FGD4: variants seen among roughly 807,000 people sequenced by gnomAD.
The protein encoded by FGD4 is FYVE, RhoGEF and PH domain-containing protein 4.
Under a neutral mutation model 102.0 loss-of-function variants are expected in FGD4, and 42 were observed. The observed-to-expected ratio is 0.41, with a 90% CI of 0.32 to 0.53. FGD4 has a LOEUF of 0.53. FGD4 is among the 20% of genes least tolerant of loss of function. The pLI, the probability that FGD4 is intolerant of heterozygous loss-of-function variation, is 0.21. For synonymous variants in FGD4, 380 were observed against 375.7 expected (o/e 1.01, Z -0.13); for missense variants, 902 against 1,078.2 (o/e 0.84, Z 2.29).
At position 32,439,361 on chromosome 12, in the gene FGD4, G is replaced by A. The variant is rs113614938; in HGVS notation, c.166+39402G>A. The stretch of plus-strand genomic sequence containing the variant: ...ATGCCACATTTTCTATTCAGCTGTT[G>A]CTGAACACTTAGGTTGATTCCATAT... On this transcript the variant is annotated intron_variant, in intron 1 of 16. Transcript: ENST00000534526. Among the ~76,000 whole-genome samples the A allele has an allele frequency of 6.6e-5, 10 of 152,244 alleles. 1 individual carries two copies. The highest frequency in any genetic ancestry group is 2.4e-4 in the African/African-American group (10 of 41,554).
intron 2 of FGD4, among the ~76,000 whole-genome samples, chr12:32,573,317 G>A (rs900315848): frequency 6.6e-6 from 1 of 152,010 alleles, no homozygotes; most frequent in Admixed American, 6.6e-5. Flanking sequence ...GGTTGGTCTC[G>A]ATCTCCTGAC....
intron 1 of FGD4, among the ~76,000 whole-genome samples, chr12:32,431,334 A>T (rs1228915794): frequency 6.6e-6 from 1 of 152,138 alleles, no homozygotes; most frequent in Non-Finnish European, 1.5e-5. Flanking sequence ...TTATTTCAGG[A>T]TATCCACTTT....
chr12:32,515,053 T>G (rs1179619219), intron 1 of FGD4, among the ~76,000 whole-genome samples: 1 of 152,166 alleles, frequency 6.6e-6, no homozygotes, highest in African/African-American at 2.4e-5. Flanking sequence ...TCCCCAGCTT[T>G]TGGCTCAGCA....
intron 7 of FGD4, among the ~76,000 whole-genome samples, chr12:32,604,259 A>C (rs889157884): frequency 6.6e-6 from 1 of 151,938 alleles, no homozygotes; most frequent in African/African-American, 2.4e-5. Context: ...AATCATTTTC[A>C]GAAGTTTTCA....
In FGD4 at chr12:32,596,977, A is replaced by G. The variant is rs567378085; in HGVS notation, c.1012-1520A>G. Among the ~76,000 whole-genome samples, 4 of 152,246 alleles carry G rather than the reference A, an allele frequency of 2.6e-5. No individual in the cohort carries two copies. The South Asian group carries it at 8.3e-4, about 32-fold the overall frequency. On this transcript the variant is annotated intron_variant, in intron 4 of 16. Transcript: ENST00000534526. Reference sequence around the variant, plus strand: ...AAAAGAGAAGTACATGGAAGGATATAACTTTGTTATATATTTTTCTCAGAG... The same window carrying G: ...AAAAGAGAAGTACATGGAAGGATATGACTTTGTTATATATTTTTCTCAGAG...
intron 1 of FGD4, among the ~76,000 whole-genome samples, chr12:32,519,010 G>A (rs1437590837): frequency 6.6e-6 from 1 of 151,098 alleles, no homozygotes; most frequent in African/African-American, 2.4e-5. Flanking sequence ...AGCTACTCGG[G>A]AGGCTGAGGC....
At chr12:32,529,587 G>A (rs551039516) in intron 1 of FGD4, among the ~76,000 whole-genome samples, 1 of 151,550 alleles carries the variant, frequency 6.6e-6, no homozygotes, top group South Asian at 2.1e-4. Context: ...GCTCACGCCT[G>A]TAATCCCAGC....
chr12:32,451,561 T>C (rs1698316678), intron 1 of FGD4, among the ~76,000 whole-genome samples: 1 of 152,110 alleles, frequency 6.6e-6, no homozygotes. Context: ...GTGTTTGTTA[T>C]TCCTTAGAAA....
At chr12:32,531,428 G>T (rs1228653702) in intron 1 of FGD4, among the ~76,000 whole-genome samples, 2 of 152,112 alleles carry the variant, frequency 1.3e-5, no homozygotes, top group African/African-American at 4.8e-5. Context: ...AGTCCCTTTA[G>T]TTCCAAAATT....
At chr12:32,476,246 G>A (rs184387986) in intron 1 of FGD4, among the ~76,000 whole-genome samples, 18 of 152,186 alleles carry the variant, frequency 1.2e-4, no homozygotes, top group African/African-American at 3.1e-4. Context: ...TTTTGTTATA[G>A]CAGAGCCTCC....
chr12:32,450,527 A>C (rs977946251), intron 1 of FGD4, among the ~76,000 whole-genome samples: 1 of 152,136 alleles, frequency 6.6e-6, no homozygotes, highest in Non-Finnish European at 1.5e-5. Flanking sequence ...AGCTGACACA[A>C]GATGTTCTAG....
chr12:32,600,938 A>T (rs1267566155), intron 5 of FGD4, among the ~76,000 whole-genome samples: 1 of 152,174 alleles, frequency 6.6e-6, no homozygotes, highest in Non-Finnish European at 1.5e-5. Context: ...TGTATACATA[A>T]AGTGTTTTCA....
At chr12:32,401,651 A>C (rs766884033) in intron 1 of FGD4, among the ~76,000 whole-genome samples, 2 of 152,074 alleles carry the variant, frequency 1.3e-5, no homozygotes, top group Non-Finnish European at 2.9e-5. Flanking sequence ...CCCTTTTAGC[A>C]GTAAGGGTAA....
At chr12:32,525,961 T>C (rs1467319524) in intron 1 of FGD4, among the ~76,000 whole-genome samples, 6 of 152,160 alleles carry the variant, frequency 3.9e-5, no homozygotes. Context: ...TCCCACCCAC[T>C]CCATGGGCTC....
intron 2 of FGD4, among the ~76,000 whole-genome samples, chr12:32,574,550 C>G (rs967914316): frequency 4.6e-5 from 7 of 152,076 alleles, no homozygotes; most frequent in African/African-American, 1.4e-4. Flanking sequence ...ATCACTCCCC[C>G]AAACATATGT....
chr12:32,590,392 T>C (rs569805571), intron 4 of FGD4, among the ~76,000 whole-genome samples: 210 of 151,886 alleles, frequency 1.4e-3, no homozygotes, highest in Middle Eastern at 0.014. Context: ...TTTTTAATAA[T>C]GTGAGCCTAG....
At chr12:32,550,704 A>ATT (rs1324386999) in intron 1 of FGD4, among the ~76,000 whole-genome samples, 2 of 151,736 alleles carry the variant, frequency 1.3e-5, no homozygotes, top group African/African-American at 4.8e-5. Flanking sequence ...AAGAGACAAA[A>ATT]AGTTCATTAG....
At chr12:32,440,455 C>T (rs1409053525) in intron 1 of FGD4, among the ~76,000 whole-genome samples, 1 of 152,196 alleles carries the variant, frequency 6.6e-6, no homozygotes, top group Non-Finnish European at 1.5e-5. Flanking sequence ...TTATCTGGAT[C>T]ACCGGGCAGA....
At chr12:32,471,148 A>G (rs1943406236) in intron 1 of FGD4, among the ~76,000 whole-genome samples, 1 of 151,906 alleles carries the variant, frequency 6.6e-6, no homozygotes, top group Admixed American at 6.6e-5. Flanking sequence ...CAACCCCCAC[A>G]CCAAGCTCTC....
Sources: gnomAD v4.1 joint callset for allele counts (sites outside exome capture counted in the v4.1 genomes callset) on GRCh38, gnomAD v4.1.1 for gene constraint, MANE v1.5 for transcripts, NCBI Gene and HGNC (gene_info 2026-07-23, HGNC 2026-07-21) for gene names.